The following NHS variants were observed in gnomAD, a reference collection of about 807,000 sequenced individuals.
The protein encoded by NHS is actin remodeling regulator NHS.
NHS carries 5 observed loss-of-function variants against 72.5 expected under a neutral mutation model. The observed-to-expected ratio is 0.07, with a 90% confidence interval of 0.04 to 0.14. The LOEUF (loss-of-function observed/expected upper bound fraction) is 0.14, where lower values mean the gene tolerates loss of function less well. Ranked by LOEUF, NHS falls within the 10% of genes least tolerant of loss-of-function variation. NHS has a pLI of 1.00. For synonymous variants in NHS, 464 were observed against 547.7 expected (o/e 0.85, Z 2.13); for missense variants, 1,072 against 1,355.7 (o/e 0.79, Z 3.29).
intron 5 of NHS, among the ~76,000 whole-genome samples, chrX:17,723,770 T>TGTGTGTGG (rs541219770): frequency 1.1e-5 from 1 of 91,337 alleles, no homozygotes; most frequent in Non-Finnish European, 2.1e-5. Context: ...TGTGTGTGTG[T>TGTGTGTGG]GCGCGCGCGT....
intron 4 of NHS, among the ~76,000 whole-genome samples, chrX:17,719,810 G>T (rs1432509673): frequency 8.9e-6 from 1 of 111,976 alleles, no homozygotes; most frequent in African/African-American, 3.2e-5. Flanking sequence ...GCTTTTGGCT[G>T]CTGGTCAGAG....
intron 1 of NHS, among the ~76,000 whole-genome samples, chrX:17,600,067 C>A (rs1298164032): frequency 1.8e-5 from 2 of 111,675 alleles, no homozygotes; most frequent in Non-Finnish European, 3.8e-5. Flanking sequence ...GGGGGCATAT[C>A]ATTTTCTGGG....
At chrX:17,515,721 A>G (rs761366137) in intron 1 of NHS, among the ~76,000 whole-genome samples, 1 of 112,124 alleles carries the variant, frequency 8.9e-6, no homozygotes, top group African/African-American at 3.2e-5. Context: ...TCTTCTAAGC[A>G]CTGGACATTT....
intron 1 of NHS, among the ~76,000 whole-genome samples, chrX:17,528,921 G>A (rs1166512938): frequency 8.9e-6 from 1 of 111,754 alleles, no homozygotes; most frequent in African/African-American, 3.3e-5. Flanking sequence ...ATTGACAGCT[G>A]GGTGATGCCA....
intron 1 of NHS, among the ~76,000 whole-genome samples, chrX:17,522,842 G>A (rs1369416810): frequency 9.0e-6 from 1 of 111,376 alleles, no homozygotes; most frequent in African/African-American, 3.3e-5. Flanking sequence ...ACCCAACAAG[G>A]CCACCTTCAG....
chrX:17,493,554 C>T (rs775907039), intron 1 of NHS, among the ~76,000 whole-genome samples: 10 of 112,094 alleles, frequency 8.9e-5, no homozygotes, highest in Non-Finnish European at 1.7e-4. Context: ...ATAGTAGGTG[C>T]TTAGTAAACT....
chrX:17,689,980 G>A (rs111276956), intron 2 of NHS, among the ~76,000 whole-genome samples: 1,161 of 111,909 alleles, frequency 0.01, 20 homozygotes, highest in African/African-American at 0.036. Context: ...AGCAAGTGCC[G>A]ATATCAATTT....
intron 3 of NHS, among the ~76,000 whole-genome samples, chrX:17,696,697 C>T (rs965024643): frequency 9.0e-6 from 1 of 111,379 alleles, no homozygotes; most frequent in Non-Finnish European, 1.9e-5. Context: ...TTTGGTGGAT[C>T]GAAATATACA....
chrX:17,578,624 T>C lies in NHS; in HGVS notation c.566-109118T>C, dbSNP rs892567204. 2.7e-5 allele frequency among the ~76,000 whole-genome samples: 3 copies of C among 112,207 alleles called. No individual in the cohort carries two copies. The Admixed American group carries it at 2.8e-4, about 11-fold the overall frequency. On this transcript the variant is annotated intron_variant, in intron 1 of 8. Coordinates refer to ENST00000676302, the MANE Select transcript of NHS (RefSeq NM_001291867.2). ...GTAAACAGTATAGTTTCATGTGTAA[T>C]AACAGCCATTAGCAACAAGAAGTAA...
At chrX:17,379,608 C>G (rs2064365408) in intron 1 of NHS, among the ~76,000 whole-genome samples, 1 of 111,091 alleles carries the variant, frequency 9.0e-6, no homozygotes, top group South Asian at 3.8e-4. Context: ...AACCCCGTCT[C>G]TACTAAAAAT....
chrX:17,463,285 A>T (rs2064856432), intron 1 of NHS, among the ~76,000 whole-genome samples: 1 of 111,321 alleles, frequency 9.0e-6, no homozygotes, highest in African/African-American at 3.3e-5. Context: ...ATGTAGAGAC[A>T]AATAGCCCAT....
chrX:17,700,107 G>A (rs1446947918), intron 3 of NHS, among the ~76,000 whole-genome samples: 3 of 111,220 alleles, frequency 2.7e-5, no homozygotes, highest in Non-Finnish European at 5.7e-5. Flanking sequence ...AAAAAATATA[G>A]GCATGTTTCT....
intron 1 of NHS, among the ~76,000 whole-genome samples, chrX:17,556,783 G>A (rs1296372031): frequency 9.0e-6 from 1 of 111,240 alleles, no homozygotes; most frequent in Non-Finnish European, 1.9e-5. Flanking sequence ...TTGTTTGTGT[G>A]TATGAAAATC....
chrX:17,531,554 C>T (rs750426063), intron 1 of NHS, among the ~76,000 whole-genome samples: 5 of 112,495 alleles, frequency 4.4e-5, no homozygotes, highest in Admixed American at 9.4e-5. Context: ...CAAAGTTTCC[C>T]GCACCATTAT....
chrX:17,506,527 TAATAAATAAATAAATA>T (rs61214947), intron 1 of NHS, among the ~76,000 whole-genome samples: 58 of 98,197 alleles, frequency 5.9e-4, no homozygotes, highest in Middle Eastern at 5.0e-3. Context: ...TGAGACTCTG[TAATAAATAAATAAATA>T]AATAAATAAA....
At chrX:17,523,990 G>A (rs1367673075) in intron 1 of NHS, among the ~76,000 whole-genome samples, 1 of 111,836 alleles carries the variant, frequency 8.9e-6, no homozygotes, top group Non-Finnish European at 1.9e-5. Context: ...GGGCAGCTGG[G>A]AAGAGAGCTG....
At chrX:17,583,290 C>T (rs1368993300) in intron 1 of NHS, among the ~76,000 whole-genome samples, 9 of 111,219 alleles carry the variant, frequency 8.1e-5, no homozygotes, top group Non-Finnish European at 1.3e-4. Context: ...TGTCAGGTGG[C>T]GGTAAGTGCT....
chrX:17,605,030 G>A (rs1353066993), intron 1 of NHS, among the ~76,000 whole-genome samples: 3 of 111,690 alleles, frequency 2.7e-5, no homozygotes, highest in Non-Finnish European at 5.6e-5. Context: ...TACATTCTGA[G>A]GTGGGTTTTA....
intron 1 of NHS, among the ~76,000 whole-genome samples, chrX:17,557,630 C>T (rs2065386651): frequency 9.0e-6 from 1 of 111,226 alleles, no homozygotes; most frequent in Admixed American, 9.6e-5. Flanking sequence ...AGTTTGGGCA[C>T]AGTCTAACTG....
Sources: gnomAD v4.1 joint callset for allele counts (sites outside exome capture counted in the v4.1 genomes callset) on GRCh38, gnomAD v4.1.1 for gene constraint, MANE v1.5 for transcripts, NCBI Gene and HGNC (gene_info 2026-07-23, HGNC 2026-07-21) for gene names.